The following EBF1 variants were observed in gnomAD, a reference collection of about 807,000 sequenced individuals.
The protein encoded by EBF1 is EBF transcription factor 1.
EBF1 carries 10 observed loss-of-function variants against 68.4 expected under a neutral mutation model. The observed-to-expected ratio is 0.15, with a 90% CI of 0.09 to 0.25. The LOEUF is 0.25. Ranked by LOEUF, EBF1 falls within the 10% of genes least tolerant of loss-of-function variation. EBF1 has a pLI of 1.00. For missense variants in EBF1, 509 were observed against 794.4 expected (o/e 0.64, Z 4.32); for synonymous variants, 298 against 299.8 (o/e 0.99, Z 0.06).
chr5:159,077,268 C>G (rs1778942078), intron 5 of EBF1, among the ~76,000 whole-genome samples: 1 of 152,036 alleles, frequency 6.6e-6, no homozygotes. Context: ...AACCCCATCT[C>G]TAATAAAAAT....
Position 159,023,971 on chromosome 5 carries a change from A to G in EBF1, c.554+49425T>C, listed in dbSNP as rs192031596. 2.5e-4 allele frequency among the ~76,000 whole-genome samples: 38 copies of G among 152,346 alleles called. No homozygotes were observed. The East Asian group carries it at 6.0e-3, about 24-fold the overall frequency. On this transcript the variant is annotated intron_variant, in intron 6 of 15. Transcript: ENST00000313708. ...AGCTTTATGAGTATGTTTCTTTGGA[A>G]TAAAAGTTCTTTCTTTAGATTGCTA... is the stretch of plus-strand genomic sequence containing the variant.
chr5:158,858,754 C>T (rs1305414080), intron 6 of EBF1, among the ~76,000 whole-genome samples: 1 of 152,182 alleles, frequency 6.6e-6, no homozygotes, highest in Non-Finnish European at 1.5e-5. Context: ...CTATATTTCA[C>T]ATCAAGGCAG....
chr5:158,860,951 T>A (rs1229129094), intron 6 of EBF1, among the ~76,000 whole-genome samples: 1 of 152,152 alleles, frequency 6.6e-6, no homozygotes, highest in Non-Finnish European at 1.5e-5. Context: ...CAGAGCTGGG[T>A]AGATTAACCT....
At chr5:158,843,059 C>T (rs1562093422) in intron 6 of EBF1, among the ~76,000 whole-genome samples, 1 of 152,162 alleles carries the variant, frequency 6.6e-6, no homozygotes, top group Non-Finnish European at 1.5e-5. Flanking sequence ...AATCGAACTA[C>T]TAAGAATAAT....
intron 6 of EBF1, among the ~76,000 whole-genome samples, chr5:159,059,509 A>G (rs1775406329): frequency 6.6e-6 from 1 of 152,238 alleles, no homozygotes; most frequent in Non-Finnish European, 1.5e-5. Flanking sequence ...GAAGAACACC[A>G]CAACGCTAAC....
intron 8 of EBF1, among the ~76,000 whole-genome samples, chr5:158,801,783 C>T (rs962643158): frequency 3.3e-5 from 5 of 152,078 alleles, no homozygotes; most frequent in Admixed American, 1.3e-4. Context: ...TACTCTATCT[C>T]CCGAGCATTT....
chr5:158,884,319 A>G (rs765376248), intron 6 of EBF1, among the ~76,000 whole-genome samples: 22 of 152,236 alleles, frequency 1.4e-4, no homozygotes, highest in Non-Finnish European at 2.5e-4. Flanking sequence ...TGACTCTAAC[A>G]AGTACTTGAT....
intron 6 of EBF1, among the ~76,000 whole-genome samples, chr5:158,973,956 C>G (rs1756193523): frequency 6.6e-6 from 1 of 152,194 alleles, no homozygotes; most frequent in Non-Finnish European, 1.5e-5. Context: ...TGCACAGACA[C>G]CTAGATCTTA....
At chr5:158,742,243 A>C (rs1171038846) in intron 10 of EBF1, among the ~76,000 whole-genome samples, 1 of 152,168 alleles carries the variant, frequency 6.6e-6, no homozygotes, top group Non-Finnish European at 1.5e-5. Context: ...ATTCCATGAA[A>C]ACACTCCAGA....
At chr5:159,072,489 T>C (rs958601282) in intron 6 of EBF1, among the ~76,000 whole-genome samples, 6 of 152,218 alleles carry the variant, frequency 3.9e-5, no homozygotes, top group Non-Finnish European at 5.9e-5. Context: ...TGTTCAACCA[T>C]TGGTTTCCTC....
chr5:158,969,888 G>GAA (rs761037187), intron 6 of EBF1, among the ~76,000 whole-genome samples: 1 of 95,400 alleles, frequency 1.0e-5, no homozygotes, highest in Non-Finnish European at 2.2e-5. Context: ...AAGAAAGAAA[G>GAA]AAAGAAAGAA....
intron 6 of EBF1, among the ~76,000 whole-genome samples, chr5:158,890,925 A>G (rs1801048619): frequency 6.6e-6 from 1 of 152,162 alleles, no homozygotes; most frequent in South Asian, 2.1e-4. Context: ...TATGGAAACT[A>G]TTTGTTTTCT....
In EBF1 at chr5:158,696,170, G is replaced by T. The variant is rs114273337; in HGVS notation, c.*2941C>A. The T allele has an allele frequency of 1.4e-3, 296 of 216,616 alleles. 1 individual carries two copies. The highest frequency in any genetic ancestry group is 2.4e-3 in the Non-Finnish European group (254 of 107,496). 13.4% of individuals were successfully genotyped at this position (216,616 alleles called of 1,614,324 possible). ...GGCCAGGGCAATGTTATGCAATCCA[G>T]TCATCCAGAAGCTGTATTTTTTCCC... On this transcript the variant is annotated 3_prime_UTR_variant, in exon 16 of 16. Transcript: ENST00000313708.
chr5:158,963,253 A>G (rs538366973), intron 6 of EBF1, among the ~76,000 whole-genome samples: 74 of 152,316 alleles, frequency 4.9e-4, no homozygotes, highest in African/African-American at 1.7e-3. Context: ...TTCTCTACAC[A>G]CTAGAGTCTT....
chr5:158,891,418 C>T (rs1327799173), intron 6 of EBF1, among the ~76,000 whole-genome samples: 2 of 152,070 alleles, frequency 1.3e-5, no homozygotes, highest in African/African-American at 2.4e-5. Flanking sequence ...GTGTATTTTT[C>T]CCCTAATGCC....
chr5:158,910,535 A>G (rs951133028), intron 6 of EBF1, among the ~76,000 whole-genome samples: 2 of 152,222 alleles, frequency 1.3e-5, no homozygotes, highest in Admixed American at 6.5e-5. Flanking sequence ...CTAAAGAACC[A>G]GTATGTTGAA....
intron 6 of EBF1, among the ~76,000 whole-genome samples, chr5:159,028,814 G>A (rs958646430): frequency 2.0e-5 from 3 of 152,226 alleles, no homozygotes; most frequent in African/African-American, 7.2e-5. Flanking sequence ...GAAAGAGCCA[G>A]TCATGGTTAT....
chr5:158,725,122 AG>A (rs779910644), intron 11 of EBF1, among the ~76,000 whole-genome samples: 220 of 152,338 alleles, frequency 1.4e-3, no homozygotes, highest in Admixed American at 1.5e-3. Flanking sequence ...ATGCCAGTGA[AG>A]GAGAAGCTAC....
chr5:158,789,900 G>C (rs1345609), intron 9 of EBF1, among the ~76,000 whole-genome samples: 3,749 of 152,236 alleles, frequency 0.025, 160 homozygotes, highest in African/African-American at 0.086. Flanking sequence ...AAGGAGAATG[G>C]AAAGTAGAGA....
Sources: allele counts gnomAD v4.1 joint callset (sites outside exome capture counted in the v4.1 genomes callset), GRCh38; gene constraint gnomAD v4.1.1; transcripts MANE v1.5; gene names NCBI Gene and HGNC (gene_info 2026-07-23, HGNC 2026-07-21).